The following DSG1 variants were observed in gnomAD, a reference collection of about 807,000 sequenced individuals.
DSG1 encodes desmoglein-1.
Under a neutral mutation model 97.5 loss-of-function variants are expected in DSG1, and 39 were observed. The ratio of observed to expected loss-of-function variants is 0.40; its 90% CI spans 0.31 to 0.52. The LOEUF (loss-of-function observed/expected upper bound fraction) is 0.52, where lower values mean the gene tolerates loss of function less well. Among genes scored for constraint, DSG1 ranks in the 20% least tolerant of loss-of-function variants. The pLI is 0.53. For missense variants in DSG1, 1,311 were observed against 1,295.4 expected (o/e 1.01, Z -0.18); for synonymous variants, 475 against 443.4 (o/e 1.07, Z -0.90).
At chr18:31,328,804 T>G (rs558775562) in intron 4 of DSG1, among the ~76,000 whole-genome samples, 5 of 152,160 alleles carry the variant, frequency 3.3e-5, no homozygotes, top group Admixed American at 1.3e-4. Flanking sequence ...ACTGCAGGAC[T>G]GTTTTCTGAG....
At chr18:31,343,300 C>G in intron 11 of DSG1, 150 bp from the exon 12 acceptor site, 1 of 1,095,712 alleles carries the variant, frequency 9.1e-7, no homozygotes, top group Non-Finnish European at 1.4e-6. Flanking sequence ...GGGGTCTGAC[C>G]ATCATTCAGC....
At chr18:31,333,886 CA>C (rs1347383390) in intron 7 of DSG1, 130 bp from the exon 8 acceptor site, 13 of 1,147,814 alleles carry the variant, frequency 1.1e-5, no homozygotes, top group Non-Finnish European at 1.7e-5. Context: ...TGGAGTTAAG[CA>C]ATGAAAAATG....
chr18:31,322,442 T>G (rs1455744054), intron 1 of DSG1, among the ~76,000 whole-genome samples: 1 of 152,232 alleles, frequency 6.6e-6, no homozygotes, highest in African/African-American at 2.4e-5. Flanking sequence ...CACCTGAGAC[T>G]TACTATAATA....
Position 31,357,789 on chromosome 18 carries a change from G to A in DSG1, c.*2443G>A, listed in dbSNP as rs1039705789. On this transcript the variant is annotated 3_prime_UTR_variant, in exon 15 of 15. Transcript: ENST00000257192. ...TTTCTTCCAGGATTGCAAATTGATG[G>A]GAAAAACAAGAAAAACTGAAGTATT... Among the ~76,000 whole-genome samples the A allele has an allele frequency of 1.3e-5, 2 of 151,828 alleles. No individual in the cohort carries two copies. The highest frequency in any genetic ancestry group is 1.9e-4 in the East Asian group (1 of 5,190).
intron 13 of DSG1, among the ~76,000 whole-genome samples, chr18:31,345,041 C>A (rs2071820439): frequency 6.6e-6 from 1 of 152,192 alleles, no homozygotes; most frequent in Non-Finnish European, 1.5e-5. Flanking sequence ...AGCAGAATCT[C>A]ATTGTTGACT....
chr18:31,328,137 T>C (rs367991715), intron 3 of DSG1, 52 bp from the exon 4 acceptor site: 20 of 1,600,516 alleles, frequency 1.2e-5, no homozygotes, highest in South Asian at 1.2e-4. Context: ...GTATATCAAA[T>C]ATAGAACTCT....
At chr18:31,350,676 T>C (rs2071887866) in intron 14 of DSG1, among the ~76,000 whole-genome samples, 1 of 146,602 alleles carries the variant, frequency 6.8e-6, no homozygotes, top group South Asian at 2.2e-4. Flanking sequence ...GAGATTCAAC[T>C]TCTACCTGGT....
At chr18:31,345,258 G>A (rs573158974) in intron 13 of DSG1, 1 of 152,076 alleles carries the variant, frequency 6.6e-6, no homozygotes, top group Non-Finnish European at 1.5e-5. Flanking sequence ...TAAAGCCAGT[G>A]GATACATATC....
rs189113476 is a variant in DSG1 at position 31,329,867 on chromosome 18, T to C, written c.373-25T>C. On this transcript the variant is annotated intron_variant, in intron 4 of 14. Coordinates refer to ENST00000257192, the MANE Select transcript of DSG1 (RefSeq NM_001942.4). ...CTTAATAAATCTGTGTTTCACTGTA[T>C]AATTATTTATCTTTTCTCTCCCAGA... The C allele has an allele frequency of 2.8e-4, 449 of 1,611,460 alleles. 1 individual carries two copies. The highest frequency in any genetic ancestry group is 5.2e-4 in the Middle Eastern group (3 of 5,790).
chr18:31,334,107 A>G lies in DSG1; in HGVS notation c.910A>G (p.Met304Val), dbSNP rs2071737512. 2 of 1,608,782 alleles carry G rather than the reference A, an allele frequency of 1.2e-6. No individual in the cohort carries two copies. The highest frequency in any genetic ancestry group is 8.5e-7 in the Non-Finnish European group (1 of 1,175,462). The change falls in exon 8 of 15, where the codon ATG becomes GTG. Residue 304 changes from methionine to valine, a missense_variant. By Grantham distance (21) the Met-to-Val change is conservative (BLOSUM62 1). This residue lies in a region of DSG1 where 1,038 missense variants were observed against 964.6 expected (regional missense o/e 1.08). Transcript: ENST00000257192. ...DLDEEFSANW[M>V]AVIFFISGNE... is the part of the protein sequence containing the mutation. ...GGATGAAGAGTTCTCAGCTAACTGG[A>G]TGGCAGTAATTTTCTTTATCTCTGG...
chr18:31,334,858 G>GA (rs954009062), intron 8 of DSG1, among the ~76,000 whole-genome samples: 2 of 152,000 alleles, frequency 1.3e-5, no homozygotes, highest in Non-Finnish European at 2.9e-5. Flanking sequence ...TGAGATGTGA[G>GA]AAAAAAAATT....
At chr18:31,325,965 T>C (rs1277654322) in intron 1 of DSG1, among the ~76,000 whole-genome samples, 1 of 152,112 alleles carries the variant, frequency 6.6e-6, no homozygotes, top group Admixed American at 6.5e-5. Context: ...ACCTAATACC[T>C]AGCTATTATT....
chr18:31,343,568 A>G lies in DSG1; in HGVS notation c.1806A>G (p.Pro602=), dbSNP rs760394187. 82 of 1,614,022 alleles carry G rather than the reference A, an allele frequency of 5.1e-5. No individual in the cohort carries two copies. Among genetic ancestry groups the G allele is most frequent in the Non-Finnish European group, 6.9e-5 (81 of 1,180,028 alleles). ...TTCATTCATGGGCAGTAGAAGGACC[A>G]CAGCCTGAACCCAGGGTAAGTGCCA... ...GAIHSWAVEG[P]QPEPRDITTV... is the part of the protein sequence containing the mutation. Residue 602 remains proline (P), a synonymous_variant, in exon 12 of 15, where the codon CCA becomes CCG. Transcript: ENST00000257192.
Position 31,340,176 on chromosome 18 carries a change from G to A in DSG1, c.1687+151G>A. On this transcript the variant is annotated intron_variant, in intron 11 of 14. Transcript: ENST00000257192. ...TCTGTGTTTGGCACTGGGTTTATAAGATGAAAAAATTAAACTTTTTGACCC... is the reference window on the plus strand; with the variant it reads ...TCTGTGTTTGGCACTGGGTTTATAAAATGAAAAAATTAAACTTTTTGACCC... 5 of 875,690 alleles carry A rather than the reference G, an allele frequency of 5.7e-6. No individual in the cohort carries two copies. In the South Asian group the frequency reaches 8.8e-5, roughly 15 times the overall value. 54.2% of individuals were successfully genotyped at this position (875,690 alleles called of 1,614,324 possible).
At chr18:31,342,992 C>T (rs1386120745) in intron 11 of DSG1, among the ~76,000 whole-genome samples, 1 of 151,452 alleles carries the variant, frequency 6.6e-6, no homozygotes, top group Non-Finnish European at 1.5e-5. Flanking sequence ...GGTTGAGCAG[C>T]CTCAACCTCC....
chr18:31,335,999 G>GA (rs1397793651), intron 8 of DSG1, among the ~76,000 whole-genome samples: 1 of 151,750 alleles, frequency 6.6e-6, no homozygotes, highest in East Asian at 1.9e-4. Flanking sequence ...GCTACTTTCT[G>GA]AAAAACATAA....
chr18:31,321,339 TA>T (rs2071652444), intron 1 of DSG1, among the ~76,000 whole-genome samples: 1 of 151,998 alleles, frequency 6.6e-6, no homozygotes, highest in Non-Finnish European at 1.5e-5. Flanking sequence ...ACTAACAAAT[TA>T]GTACAGACCA....
Position 31,355,249 on chromosome 18 carries a change from CCT to C in DSG1, c.3056_3057del (p.Ser1019Ter). 6.2e-7 allele frequency: 1 copy of C among 1,611,390 alleles called. No homozygotes were observed. Among genetic ancestry groups the C allele is most frequent in the Non-Finnish European group, 8.5e-7 (1 of 1,178,184 alleles). On this transcript the variant is annotated frameshift_variant, in exon 15 of 15. Coordinates refer to ENST00000257192, the MANE Select transcript of DSG1 (RefSeq NM_001942.4). LOFTEE classifies it high-confidence loss of function. ...GCCAGCATTGGCCACATGAGGAGTT[CCT>C]CTGACCATCACTTTAACCAAACCAT...
intron 14 of DSG1, among the ~76,000 whole-genome samples, chr18:31,353,555 G>A (rs1407134886): frequency 3.3e-5 from 5 of 152,310 alleles, no homozygotes; most frequent in African/African-American, 7.2e-5. Context: ...AATGGCGGGC[G>A]CCCCTCCCCC....
Sources: gnomAD v4.1 joint callset for allele counts (sites outside exome capture counted in the v4.1 genomes callset) on GRCh38, gnomAD v4.1.1 for gene constraint, gnomAD v4.1.1 regional missense constraint, MANE v1.5 for transcripts, NCBI Gene and HGNC (gene_info 2026-07-23, HGNC 2026-07-21) for gene names.